The following EFNA5 variants were observed in gnomAD, a reference collection of about 807,000 sequenced individuals.
EFNA5 encodes ephrin-A5.
A neutral mutation model predicts 22.9 loss-of-function variants in EFNA5; 5 were observed. The ratio of observed to expected loss-of-function variants is 0.22; its 90% CI spans 0.11 to 0.46. The LOEUF (loss-of-function observed/expected upper bound fraction) is 0.46. EFNA5 is among the 20% of genes least tolerant of loss of function. The probability of loss-of-function intolerance (pLI) is 0.99; values close to 1 mark genes in which losing one functional copy is unlikely to be tolerated. For synonymous variants in EFNA5, 113 were observed against 112.2 expected (o/e 1.01, Z -0.04); for missense variants, 237 against 293.3 (o/e 0.81, Z 1.40).
chr5:107,498,301 C>CT (rs2112422557), intron 1 of EFNA5, among the ~76,000 whole-genome samples: 1 of 152,292 alleles, frequency 6.6e-6, no homozygotes, highest in South Asian at 2.1e-4. Context: ...ATGACACAAC[C>CT]TTTTTTCATA....
intron 2 of EFNA5, among the ~76,000 whole-genome samples, chr5:107,415,054 C>T (rs534765214): frequency 3.5e-4 from 54 of 152,304 alleles, no homozygotes; most frequent in African/African-American, 1.3e-3. Flanking sequence ...CTGGACTCAA[C>T]TGTACATGAA....
chr5:107,568,076 T>C lies in EFNA5; in HGVS notation c.125+102413A>G, dbSNP rs77249397. ...CATGCCCAGCTCGTTTTAATTTTTT[T>C]TGTAGGGATGGGGTCTTGCTGTGTT... On this transcript the variant is annotated intron_variant, in intron 1 of 4. Transcript: ENST00000333274. 5.0e-3 allele frequency among the ~76,000 whole-genome samples: 755 copies of C among 152,100 alleles called. 12 individuals are homozygous for C. The highest frequency in any genetic ancestry group is 0.018 in the African/African-American group (731 of 41,490).
At chr5:107,565,890 G>T (rs1300099040) in intron 1 of EFNA5, among the ~76,000 whole-genome samples, 1 of 152,140 alleles carries the variant, frequency 6.6e-6, no homozygotes. Flanking sequence ...TTTACATGAC[G>T]CTGCATAATT....
At chr5:107,657,699 C>T (rs2112557765) in intron 1 of EFNA5, among the ~76,000 whole-genome samples, 1 of 152,172 alleles carries the variant, frequency 6.6e-6, no homozygotes, top group Non-Finnish European at 1.5e-5. Context: ...CATAAAAATA[C>T]ACCTGACTTA....
At chr5:107,605,086 C>A (rs990906481) in intron 1 of EFNA5, among the ~76,000 whole-genome samples, 6 of 137,404 alleles carry the variant, frequency 4.4e-5, no homozygotes, top group African/African-American at 1.6e-4. Context: ...AGTGGTTCCA[C>A]TGGGAGGAAA....
chr5:107,425,172 C>T (rs958189103), intron 2 of EFNA5, among the ~76,000 whole-genome samples: 1 of 152,096 alleles, frequency 6.6e-6, no homozygotes, highest in Admixed American at 6.5e-5. Context: ...AATTTAACCA[C>T]AAATGAGGAA....
At chr5:107,617,471 G>A (rs1417176284) in intron 1 of EFNA5, among the ~76,000 whole-genome samples, 1 of 152,128 alleles carries the variant, frequency 6.6e-6, no homozygotes, top group Non-Finnish European at 1.5e-5. Context: ...AGAGAAGCAG[G>A]TAAAGAGTCA....
chr5:107,526,261 C>T (rs1369453082), intron 1 of EFNA5, among the ~76,000 whole-genome samples: 1 of 152,178 alleles, frequency 6.6e-6, no homozygotes, highest in Non-Finnish European at 1.5e-5. Flanking sequence ...CTTGCAATAA[C>T]CATTAGGTTT....
intron 1 of EFNA5, among the ~76,000 whole-genome samples, chr5:107,609,807 G>A (rs1000416460): frequency 2.0e-5 from 3 of 152,120 alleles, no homozygotes; most frequent in Admixed American, 6.5e-5. Flanking sequence ...GCCCCTGCCC[G>A]CCGCCGACTA....
chr5:107,614,727 C>T (rs548693108), intron 1 of EFNA5, among the ~76,000 whole-genome samples: 1 of 152,176 alleles, frequency 6.6e-6, no homozygotes, highest in Non-Finnish European at 1.5e-5. Context: ...TTTTCTCTCT[C>T]AAAAATCCAG....
chr5:107,656,464 G>A (rs1195183251), intron 1 of EFNA5, among the ~76,000 whole-genome samples: 1 of 151,974 alleles, frequency 6.6e-6, no homozygotes, highest in Non-Finnish European at 1.5e-5. Flanking sequence ...ATACAATTTG[G>A]TCTACCTTTT....
intron 1 of EFNA5, among the ~76,000 whole-genome samples, chr5:107,519,976 C>T (rs961795758): frequency 1.3e-5 from 2 of 152,142 alleles, no homozygotes; most frequent in Admixed American, 6.6e-5. Flanking sequence ...ATTTCTCATT[C>T]ATGCTTTGTT....
chr5:107,438,760 C>T (rs760099370), intron 1 of EFNA5, among the ~76,000 whole-genome samples: 12 of 152,274 alleles, frequency 7.9e-5, no homozygotes, highest in South Asian at 2.1e-4. Flanking sequence ...AGGCCAGAAT[C>T]CCTGGCATAT....
At chr5:107,547,433 T>C (rs1157602363) in intron 1 of EFNA5, among the ~76,000 whole-genome samples, 1 of 152,016 alleles carries the variant, frequency 6.6e-6, no homozygotes, top group East Asian at 1.9e-4. Flanking sequence ...TGGTGTCACA[T>C]AGTATCCTCC....
intron 1 of EFNA5, among the ~76,000 whole-genome samples, chr5:107,649,703 T>C (rs1750691383): frequency 6.6e-6 from 1 of 152,192 alleles, no homozygotes; most frequent in Admixed American, 6.5e-5. Context: ...TGTATAATTA[T>C]ATGGTATTTT....
At position 107,593,224 on chromosome 5, in the gene EFNA5, C is replaced by T. The variant is rs373634485; in HGVS notation, c.125+77265G>A. Among the ~76,000 whole-genome samples, 9 of 152,142 alleles carry T rather than the reference C, an allele frequency of 5.9e-5. No individual in the cohort carries two copies. The East Asian group carries it at 9.7e-4, about 16-fold the overall frequency. ...AGAGACTCGACCCTTATGTGCACTC[C>T]TCATTGTCAATCATCCATCTGGGAC... On this transcript the variant is annotated intron_variant, in intron 1 of 4. Transcript: ENST00000333274.
At position 107,427,433 on chromosome 5, in the gene EFNA5, A is replaced by G; in HGVS notation, c.202T>C (p.Ser68Pro). The G allele has an allele frequency of 6.2e-7, 1 of 1,614,058 alleles. No homozygotes were observed. Among genetic ancestry groups the G allele is most frequent in the Non-Finnish European group, 8.5e-7 (1 of 1,179,996 alleles). Reference protein sequence around the residue: ...LDVFCPHYEDSVPEDKTERYV... With the variant: ...LDVFCPHYEDPVPEDKTERYV... ...CGCTCAGTCTTATCTTCTGGGACGG[A>G]GTCCTCATAGTGAGGGCAGAAAACA... The change falls in exon 2 of 5, where the codon TCC (serine) becomes CCC (proline). Residue 68 changes from serine to proline, a missense_variant. Physicochemically the swap from Ser to Pro is moderately conservative, Grantham distance 74. Transcript: ENST00000333274.
rs192156090 is a variant in EFNA5 at position 107,411,806 on chromosome 5, G to A, written c.418+15411C>T. ...TTACATTGTTGCCCAGGCTGGGCTC[G>A]AGCGACTCTCCTGCCTTGGCTTCCT... On this transcript the variant is annotated intron_variant, in intron 2 of 4. Coordinates refer to ENST00000333274, the MANE Select transcript of EFNA5 (RefSeq NM_001962.3). Among the ~76,000 whole-genome samples the A allele has an allele frequency of 6.8e-4, 104 of 152,268 alleles. 1 individual carries two copies. The highest frequency in any genetic ancestry group is 2.3e-3 in the African/African-American group (94 of 41,554).
At chr5:107,638,012 AATTTTTTGT>A (rs747006583) in intron 1 of EFNA5, among the ~76,000 whole-genome samples, 24 of 105,824 alleles carry the variant, frequency 2.3e-4, no homozygotes, top group Non-Finnish European at 5.2e-4. Context: ...ACGCCTGGCT[AATTTTTTGT>A]ATTTTTTTTT....
Sources: allele counts gnomAD v4.1 joint callset (sites outside exome capture counted in the v4.1 genomes callset), GRCh38; gene constraint gnomAD v4.1.1; transcripts MANE v1.5; gene names NCBI Gene and HGNC (gene_info 2026-07-23, HGNC 2026-07-21).